TIMP3: variants seen among roughly 807,000 people sequenced by gnomAD.
TIMP3 encodes metalloproteinase inhibitor 3.
A neutral mutation model predicts 30.0 loss-of-function variants in TIMP3; 11 were observed. That is an observed-to-expected ratio of 0.37 (90% confidence interval 0.23 to 0.61). The LOEUF is 0.61. Among genes scored for constraint, TIMP3 ranks in the 20% least tolerant of loss-of-function variants. The pLI is 0.70. For missense variants in TIMP3, 181 were observed against 276.8 expected (o/e 0.65, Z 2.45); for synonymous variants, 112 against 111.3 (o/e 1.01, Z -0.04).
chr22:32,843,835 C>T (rs1007714396), intron 1 of TIMP3, among the ~76,000 whole-genome samples: 2 of 152,132 alleles, frequency 1.3e-5, no homozygotes, highest in East Asian at 1.9e-4. Flanking sequence ...ACTAACCAGA[C>T]GTCCCTTACT....
chr22:32,851,033 C>T (rs2048204296), intron 2 of TIMP3, among the ~76,000 whole-genome samples: 1 of 152,158 alleles, frequency 6.6e-6, no homozygotes, highest in Admixed American at 6.5e-5. Context: ...CAGCCCTGGC[C>T]AGTTGCCCTT....
chr22:32,859,023 T>G, intron 4 of TIMP3, 157 bp from the exon 5 acceptor site: 1 of 716,702 alleles, frequency 1.4e-6, no homozygotes, highest in South Asian at 1.5e-5. Context: ...AGACAGCAGA[T>G]GCTCAAGCTA....
intron 1 of TIMP3, chr22:32,833,984 T>G (rs1601491255): frequency 1.1e-5 from 5 of 459,940 alleles, no homozygotes; most frequent in Non-Finnish European, 1.7e-5. Context: ...ACCATCCTCC[T>G]GCTTTCTGTG....
intron 2 of TIMP3, among the ~76,000 whole-genome samples, chr22:32,855,761 G>C (rs1253037590): frequency 6.6e-6 from 1 of 152,102 alleles, no homozygotes; most frequent in Non-Finnish European, 1.5e-5. Flanking sequence ...AACCAAAATT[G>C]TCTCCAGACA....
intron 2 of TIMP3, among the ~76,000 whole-genome samples, chr22:32,851,303 G>T (rs755143379): frequency 7.2e-5 from 11 of 152,184 alleles, no homozygotes; most frequent in Non-Finnish European, 2.9e-5. Context: ...GAAATAGCTG[G>T]GAGGCAGCAG....
At chr22:32,812,757 G>A (rs559179936) in intron 1 of TIMP3, among the ~76,000 whole-genome samples, 30 of 152,320 alleles carry the variant, frequency 2.0e-4, no homozygotes, top group Middle Eastern at 3.4e-3. Context: ...AGTGAATGAG[G>A]AGGGTATTTG....
rs1349443230 is a variant in TIMP3, at chr22:32,807,649, A to G, written c.121+5527A>G. 2.0e-5 allele frequency among the ~76,000 whole-genome samples: 3 copies of G among 150,678 alleles called. 1 individual carries two copies. Among genetic ancestry groups the G allele is most frequent in the South Asian group, 2.1e-4 (1 of 4,804 alleles). Reference sequence around the variant, plus strand: ...AAAATGAGGTAACTCGTTTAAGGTTATACTGCTAGCAAGGAATACAGCCTG... The same window carrying G: ...AAAATGAGGTAACTCGTTTAAGGTTGTACTGCTAGCAAGGAATACAGCCTG... On this transcript the variant is annotated intron_variant, in intron 1 of 4. Coordinates refer to ENST00000266085, the MANE Select transcript of TIMP3 (RefSeq NM_000362.5).
chr22:32,816,997 C>A (rs761541266), intron 1 of TIMP3, among the ~76,000 whole-genome samples: 2 of 151,498 alleles, frequency 1.3e-5, no homozygotes, highest in African/African-American at 4.9e-5. Context: ...GCGAGAGGAT[C>A]GCTTGAGCCC....
chr22:32,836,698 G>A (rs2047739719), intron 1 of TIMP3, among the ~76,000 whole-genome samples: 1 of 152,176 alleles, frequency 6.6e-6, no homozygotes, highest in Non-Finnish European at 1.5e-5. Flanking sequence ...TGCTGAGTGA[G>A]TAGGGGACAC....
intron 2 of TIMP3, among the ~76,000 whole-genome samples, chr22:32,855,949 T>G (rs1021897295): frequency 5.9e-5 from 9 of 152,354 alleles, no homozygotes; most frequent in East Asian, 5.8e-4. Flanking sequence ...TACATTTATG[T>G]GCTTCATCTG....
intron 1 of TIMP3, among the ~76,000 whole-genome samples, chr22:32,839,957 C>A (rs1381638447): frequency 6.6e-6 from 1 of 152,042 alleles, no homozygotes; most frequent in Non-Finnish European, 1.5e-5. Flanking sequence ...ATCCTGCTCA[C>A]AAGGTGAGGA....
rs2048514772 is a variant in TIMP3 at position 32,860,849 on chromosome 22, G to C, written c.*1472G>C. The C allele has an allele frequency of 6.6e-6, 1 of 151,496 alleles. No individual in the cohort carries two copies. The highest frequency in any genetic ancestry group is 1.5e-5 in the Non-Finnish European group (1 of 67,954). The allele number at this position is 151,496 out of a possible 1,614,324, so 9.4% of individuals were successfully genotyped here. On this transcript the variant is annotated 3_prime_UTR_variant, in exon 5 of 5. Coordinates refer to ENST00000266085, the MANE Select transcript of TIMP3 (RefSeq NM_000362.5). Reference sequence around the variant, plus strand: ...CACCTCCTGAGATCCTCACCTCTTGGAATTAAAATTGTTGGTCACTGGGGA... The same window carrying C: ...CACCTCCTGAGATCCTCACCTCTTGCAATTAAAATTGTTGGTCACTGGGGA...
chr22:32,847,013 A>G (rs79833680), intron 1 of TIMP3, among the ~76,000 whole-genome samples: 1,955 of 152,306 alleles, frequency 0.013, 23 homozygotes, highest in Non-Finnish European at 0.023. Flanking sequence ...TTCTGTCTAA[A>G]TCAAGTCAAG....
At chr22:32,808,289 G>A (rs9609637) in intron 1 of TIMP3, among the ~76,000 whole-genome samples, 1 of 152,144 alleles carries the variant, frequency 6.6e-6, no homozygotes, top group East Asian at 1.9e-4. Context: ...AAAGCTGTCC[G>A]CTGGCCAGGC....
At chr22:32,815,078 AC>A (rs2047052772) in intron 1 of TIMP3, among the ~76,000 whole-genome samples, 1 of 152,226 alleles carries the variant, frequency 6.6e-6, no homozygotes, top group Admixed American at 6.5e-5. Context: ...CGTTTCAGCT[AC>A]CTGTGGTTAG....
intron 4 of TIMP3, among the ~76,000 whole-genome samples, chr22:32,858,555 A>G (rs1450142561): frequency 6.6e-6 from 1 of 152,178 alleles, no homozygotes; most frequent in East Asian, 1.9e-4. Flanking sequence ...CCAGGACTGC[A>G]GAGACCAGAT....
chr22:32,859,520 C>T lies in TIMP3; in HGVS notation c.*143C>T. 9.3e-7 allele frequency: 1 copy of T among 1,074,750 alleles called. No individual in the cohort carries two copies. The highest frequency in any genetic ancestry group is 1.3e-6 in the Non-Finnish European group (1 of 754,080). The allele number at this position is 1,074,750 out of a possible 1,614,324, so 66.6% of individuals were successfully genotyped here. ...TGGAACATTTAAAGAAAGGTCTATG[C>T]TGTCATATGGGGTTTATTGGGAACT... is the stretch of plus-strand genomic sequence containing the variant. On this transcript the variant is annotated 3_prime_UTR_variant, in exon 5 of 5. Coordinates refer to ENST00000266085, the MANE Select transcript of TIMP3 (RefSeq NM_000362.5).
intron 1 of TIMP3, among the ~76,000 whole-genome samples, chr22:32,834,896 T>C (rs1463148054): frequency 6.6e-6 from 1 of 152,190 alleles, no homozygotes; most frequent in Non-Finnish European, 1.5e-5. Context: ...CAAGCTTATA[T>C]CTGTCACCCA....
chr22:32,838,725 A>C (rs1231940923), intron 1 of TIMP3, among the ~76,000 whole-genome samples: 2 of 151,990 alleles, frequency 1.3e-5, no homozygotes, highest in Non-Finnish European at 2.9e-5. Flanking sequence ...CTCCTGACCC[A>C]GCACTCCAGG....
Sources: gnomAD v4.1 joint callset for allele counts (sites outside exome capture counted in the v4.1 genomes callset) on GRCh38, gnomAD v4.1.1 for gene constraint, MANE v1.5 for transcripts, NCBI Gene and HGNC (gene_info 2026-07-23, HGNC 2026-07-21) for gene names.